FHIT: variants seen among roughly 807,000 people sequenced by gnomAD.
The protein encoded by FHIT is bis(5'-adenosyl)-triphosphatase.
In FHIT, 19 loss-of-function variants were observed where a neutral mutation model predicts 17.9. The observed-to-expected ratio is 1.06, with a 90% CI of 0.74 to 1.56. FHIT has a LOEUF of 1.56. Ranked by LOEUF, FHIT falls within the 40% of genes most tolerant of loss-of-function variation. The pLI, the probability that FHIT is intolerant of heterozygous loss-of-function variation, is 0.00. For synonymous variants in FHIT, 81 were observed against 69.7 expected (o/e 1.16, Z -0.81); for missense variants, 248 against 189.2 (o/e 1.31, Z -1.82).
chr3:60,125,002 C>G (rs868483730), intron 5 of FHIT, among the ~76,000 whole-genome samples: 3 of 152,190 alleles, frequency 2.0e-5, no homozygotes, highest in Non-Finnish European at 4.4e-5. Flanking sequence ...ATGCTTCTCA[C>G]GCATGTCTCT....
At chr3:60,043,432 C>A (rs1304022987) in intron 5 of FHIT, among the ~76,000 whole-genome samples, 1 of 152,120 alleles carries the variant, frequency 6.6e-6, no homozygotes, top group Non-Finnish European at 1.5e-5. Context: ...AATTTTATGC[C>A]ATTTTCACAA....
intron 8 of FHIT, among the ~76,000 whole-genome samples, chr3:59,873,301 G>A (rs1208853798): frequency 6.6e-6 from 1 of 152,174 alleles, no homozygotes; most frequent in Non-Finnish European, 1.5e-5. Context: ...TTTCTGGATG[G>A]ATGGATGGGT....
intron 5 of FHIT, among the ~76,000 whole-genome samples, chr3:60,183,876 TCA>T (rs1702049688): frequency 1.3e-5 from 2 of 152,300 alleles, no homozygotes; most frequent in East Asian, 3.9e-4. Context: ...TATAAAGAGT[TCA>T]GAGTTCCCAT....
chr3:60,331,568 C>T (rs9809877), intron 5 of FHIT, among the ~76,000 whole-genome samples: 4 of 152,064 alleles, frequency 2.6e-5, no homozygotes, highest in African/African-American at 7.2e-5. Context: ...ATACTCGGTC[C>T]GGGTATGGTG....
chr3:60,949,307 A>G (rs1172169639), intron 3 of FHIT, among the ~76,000 whole-genome samples: 2 of 152,170 alleles, frequency 1.3e-5, no homozygotes, highest in Non-Finnish European at 2.9e-5. Flanking sequence ...CTCTGCTTTT[A>G]GCTAGCGTGG....
At chr3:60,470,058 T>TTCTCTCTCTCTC (rs796525437) in intron 5 of FHIT, among the ~76,000 whole-genome samples, 2,236 of 142,982 alleles carry the variant, frequency 0.016, 52 homozygotes, top group Middle Eastern at 0.045. Flanking sequence ...CTCTCTTTCT[T>TTCTCTCTCTCTC]TCTCTCTCTC....
chr3:61,017,919 C>T (rs2032204154), intron 3 of FHIT, among the ~76,000 whole-genome samples: 3 of 152,052 alleles, frequency 2.0e-5, no homozygotes, highest in Admixed American at 6.5e-5. Flanking sequence ...CAAAGTTGGG[C>T]AGCCCTACCA....
At chr3:60,781,726 A>G (rs1482897540) in intron 4 of FHIT, among the ~76,000 whole-genome samples, 2 of 152,222 alleles carry the variant, frequency 1.3e-5, no homozygotes, top group African/African-American at 4.8e-5. Flanking sequence ...AAGGTCTTCT[A>G]CAAATAAAAT....
chr3:61,086,906 C>A (rs2035323256), intron 2 of FHIT, among the ~76,000 whole-genome samples: 1 of 152,038 alleles, frequency 6.6e-6, no homozygotes, highest in Middle Eastern at 3.2e-3. Context: ...ACAGACATAG[C>A]CTTTCCCTCC....
At chr3:61,117,041 A>G (rs2036318621) in intron 2 of FHIT, among the ~76,000 whole-genome samples, 2 of 152,202 alleles carry the variant, frequency 1.3e-5, no homozygotes, top group South Asian at 4.1e-4. Context: ...CAACTAGTTT[A>G]CAGTACAAAA....
chr3:60,647,820 G>T (rs1171851396), intron 4 of FHIT, among the ~76,000 whole-genome samples: 1 of 152,244 alleles, frequency 6.6e-6, no homozygotes, highest in South Asian at 2.1e-4. Context: ...TGCAAAGGAG[G>T]AAAAAGGATG....
chr3:60,845,595 A>G (rs1479593556), intron 3 of FHIT, among the ~76,000 whole-genome samples: 1 of 152,166 alleles, frequency 6.6e-6, no homozygotes, highest in Non-Finnish European at 1.5e-5. Context: ...ATGCTATCTT[A>G]AGATTGAACC....
At chr3:59,986,293 G>A (rs1202075637) in intron 7 of FHIT, among the ~76,000 whole-genome samples, 1 of 151,222 alleles carries the variant, frequency 6.6e-6, no homozygotes, top group Non-Finnish European at 1.5e-5. Context: ...AAAATTCAAC[G>A]GCACCCCCTT....
intron 4 of FHIT, among the ~76,000 whole-genome samples, chr3:60,563,205 T>A (rs2037016109): frequency 6.6e-6 from 1 of 152,210 alleles, no homozygotes; most frequent in African/African-American, 2.4e-5. Context: ...CTTGAGTTGG[T>A]GAGGCAGCAG....
intron 5 of FHIT, among the ~76,000 whole-genome samples, chr3:60,400,762 C>T (rs1395110741): frequency 6.6e-6 from 1 of 152,088 alleles, no homozygotes; most frequent in South Asian, 2.1e-4. Flanking sequence ...GACTGAGGAA[C>T]TTAGGGAGTA....
chr3:61,015,559 GCTTT>G (rs1289786237), intron 3 of FHIT, among the ~76,000 whole-genome samples: 1 of 152,126 alleles, frequency 6.6e-6, no homozygotes, highest in African/African-American at 2.4e-5. Context: ...TGTCACTATG[GCTTT>G]CTGTTTGTTT....
intron 2 of FHIT, among the ~76,000 whole-genome samples, chr3:61,061,389 C>T (rs902509354): frequency 5.3e-5 from 8 of 152,004 alleles, no homozygotes; most frequent in Non-Finnish European, 1.2e-4. Flanking sequence ...CAAAGTTTCA[C>T]TTTTTAAATA....
intron 3 of FHIT, among the ~76,000 whole-genome samples, chr3:60,889,543 T>C (rs1174255498): frequency 6.6e-6 from 1 of 152,236 alleles, no homozygotes; most frequent in Non-Finnish European, 1.5e-5. Flanking sequence ...TGCTCACTGA[T>C]GAACAAACAT....
intron 8 of FHIT, among the ~76,000 whole-genome samples, chr3:59,801,517 A>AT (rs1156630719): frequency 9.2e-4 from 140 of 152,258 alleles, no homozygotes; most frequent in Non-Finnish European, 1.7e-3. Flanking sequence ...TTCCCTATAT[A>AT]AGTGAAAATA....
Sources: gnomAD v4.1 joint callset for allele counts (sites outside exome capture counted in the v4.1 genomes callset) on GRCh38, gnomAD v4.1.1 for gene constraint, MANE v1.5 for transcripts, NCBI Gene and HGNC (gene_info 2026-07-23, HGNC 2026-07-21) for gene names.